Variants in GPCPD1 observed in about 807,000 individuals in gnomAD.
GPCPD1 encodes glycerophosphocholine phosphodiesterase 1, also known as glycerophosphocholine phosphodiesterase GPCPD1.
Under a neutral mutation model 89.2 loss-of-function variants are expected in GPCPD1, and 29 were observed. That is an observed-to-expected ratio of 0.33 (90% CI 0.24 to 0.44). The LOEUF is 0.44. Ranked by LOEUF, GPCPD1 falls within the 20% of genes least tolerant of loss-of-function variation. The pLI is 1.00. For missense variants in GPCPD1, 594 were observed against 808.9 expected (o/e 0.73, Z 3.22); for synonymous variants, 258 against 266.3 (o/e 0.97, Z 0.30).
At chr20:5,567,300 T>C (rs868172710) in intron 13 of GPCPD1, among the ~76,000 whole-genome samples, 183 bp downstream of exon 13, 4 of 152,128 alleles carry the variant, frequency 2.6e-5, no homozygotes, top group South Asian at 2.1e-4. Flanking sequence ...ATGGAAATGG[T>C]TGGAGAAGAC....
chr20:5,598,284 T>C (rs1979871922), intron 3 of GPCPD1, among the ~76,000 whole-genome samples: 1 of 152,078 alleles, frequency 6.6e-6, no homozygotes, highest in Non-Finnish European at 1.5e-5. Context: ...TGGGTGCCTA[T>C]AGTCACAGCT....
intron 2 of GPCPD1, 62 bp downstream of exon 2, chr20:5,604,302 A>C: frequency 1.2e-6 from 1 of 850,802 alleles, no homozygotes; most frequent in South Asian, 1.4e-5. Context: ...TATTTAAGGT[A>C]ATCCAGATAA....
chr20:5,581,765 T>C (rs911249086), intron 6 of GPCPD1, among the ~76,000 whole-genome samples: 1 of 149,210 alleles, frequency 6.7e-6, no homozygotes, highest in African/African-American at 2.5e-5. Flanking sequence ...CTTCTCTCCT[T>C]AGAAATTCTC....
chr20:5,581,073 T>C (rs937409654), intron 6 of GPCPD1, among the ~76,000 whole-genome samples: 4 of 152,026 alleles, frequency 2.6e-5, no homozygotes, highest in Non-Finnish European at 5.9e-5. Context: ...GTCACCATGC[T>C]GGCCAAGCTG....
chr20:5,586,045 A>G, intron 5 of GPCPD1, 149 bp downstream of exon 5: 1 of 450,034 alleles, frequency 2.2e-6, no homozygotes. Context: ...GTTTTGAAAG[A>G]TCCATGAAAT....
intron 1 of GPCPD1, among the ~76,000 whole-genome samples, 182 bp from the exon 2 acceptor site, chr20:5,604,622 G>GGC (rs1555811015): frequency 3.7e-5 from 3 of 80,546 alleles, no homozygotes; most frequent in Non-Finnish European, 7.6e-5. Flanking sequence ...GGGGGGGGGG[G>GGC]GGCGGGAAAG....
chr20:5,548,867 C>A (rs1453156154), intron 19 of GPCPD1: 1 of 985,552 alleles, frequency 1.0e-6, no homozygotes, highest in South Asian at 1.9e-5. Flanking sequence ...CACCCCTACT[C>A]CTAATCCCCC....
intron 3 of GPCPD1, among the ~76,000 whole-genome samples, chr20:5,595,806 A>AGGGG (rs34342997): frequency 7.8e-4 from 117 of 150,326 alleles, no homozygotes; most frequent in African/African-American, 2.7e-3. Context: ...AAAGAAAAAA[A>AGGGG]GGGGGGGGGA....
intron 1 of GPCPD1, among the ~76,000 whole-genome samples, chr20:5,605,471 A>T (rs1304131762): frequency 6.6e-6 from 1 of 152,194 alleles, no homozygotes; most frequent in Admixed American, 6.6e-5. Flanking sequence ...AATGTAACTT[A>T]TCATTAAAAG....
chr20:5,585,013 A>C (rs576257892), intron 5 of GPCPD1: 4 of 152,332 alleles, frequency 2.6e-5, no homozygotes, highest in African/African-American at 9.6e-5. Context: ...GACAGTTCCT[A>C]GTAAAGATTC....
At chr20:5,588,000 T>A (rs564078672) in intron 4 of GPCPD1, among the ~76,000 whole-genome samples, 154 of 152,176 alleles carry the variant, frequency 1.0e-3, no homozygotes, top group Non-Finnish European at 1.9e-3. Flanking sequence ...AGCTAAACAC[T>A]TCCCTGCTAT....
At chr20:5,572,064 C>T (rs1986756547) in intron 11 of GPCPD1, among the ~76,000 whole-genome samples, 1 of 151,686 alleles carries the variant, frequency 6.6e-6, no homozygotes, top group Non-Finnish European at 1.5e-5. Context: ...ACAAAAAATA[C>T]AACAATTAGC....
At chr20:5,583,225 C>CAAAAAAAAAA (rs35153907) in intron 6 of GPCPD1, among the ~76,000 whole-genome samples, 1 of 64,256 alleles carries the variant, frequency 1.6e-5, no homozygotes, top group Non-Finnish European at 2.7e-5. Flanking sequence ...AACTCCATCT[C>CAAAAAAAAAA]AAAAAAAAAA....
chr20:5,575,607 T>C (rs1020364322), intron 9 of GPCPD1, 62 bp from the exon 10 acceptor site: 6 of 1,127,150 alleles, frequency 5.3e-6, no homozygotes, highest in Non-Finnish European at 7.8e-6. Context: ...CATTATGAGC[T>C]ACATTATATT....
chr20:5,568,445 G>A (rs994198976), intron 12 of GPCPD1, among the ~76,000 whole-genome samples: 5 of 151,622 alleles, frequency 3.3e-5, no homozygotes, highest in African/African-American at 1.2e-4. Context: ...TAATGAAGAT[G>A]AATTGTTTTT....
chr20:5,605,310 T>C (rs1403000333), intron 1 of GPCPD1, among the ~76,000 whole-genome samples: 1 of 152,236 alleles, frequency 6.6e-6, no homozygotes, highest in African/African-American at 2.4e-5. Flanking sequence ...AGGGTAATAC[T>C]GTGGTAGAGA....
intron 5 of GPCPD1, 126 bp downstream of exon 5, chr20:5,586,068 T>C (rs1978899744): frequency 4.2e-6 from 2 of 479,488 alleles, no homozygotes; most frequent in African/African-American, 2.0e-5. Context: ...TCAGTGAAAT[T>C]TGTAGCACTG....
chr20:5,565,171 A>C (rs1159916403), intron 14 of GPCPD1, 93 bp from the exon 15 acceptor site: 2 of 713,054 alleles, frequency 2.8e-6, no homozygotes, highest in East Asian at 5.1e-5. Flanking sequence ...AAACAGGGAA[A>C]GAGAGAGAGA....
intron 7 of GPCPD1, among the ~76,000 whole-genome samples, chr20:5,579,549 T>C (rs1010196826): frequency 3.9e-5 from 6 of 152,118 alleles, no homozygotes; most frequent in Non-Finnish European, 5.9e-5. Flanking sequence ...GGTTTCACCA[T>C]GTTGGCCAGT....
Sources: gnomAD v4.1 joint callset for allele counts (sites outside exome capture counted in the v4.1 genomes callset) on GRCh38, gnomAD v4.1.1 for gene constraint, MANE v1.5 for transcripts, NCBI Gene and HGNC (gene_info 2026-07-23, HGNC 2026-07-21) for gene names.